The following SLC2A13 variants were observed in gnomAD, a reference collection of about 807,000 sequenced individuals.
The protein encoded by SLC2A13 is solute carrier family 2 member 13.
In SLC2A13, 32 loss-of-function variants were observed where a neutral mutation model predicts 64.4. The observed-to-expected ratio is 0.50, with a 90% CI of 0.37 to 0.67. The LOEUF (loss-of-function observed/expected upper bound fraction) is 0.67, where lower values mean the gene tolerates loss of function less well. Among genes scored for constraint, SLC2A13 ranks in the 30% least tolerant of loss-of-function variants. The pLI, the probability that SLC2A13 is intolerant of heterozygous loss-of-function variation, is 0.00. For synonymous variants in SLC2A13, 338 were observed against 327.1 expected, an observed-to-expected ratio of 1.03 and a Z score of -0.36; for missense variants, 743 against 829.2, an observed-to-expected ratio of 0.90 and a Z score of 1.28.
At chr12:39,962,864 C>T (rs1161144253) in intron 3 of SLC2A13, among the ~76,000 whole-genome samples, 1 of 152,166 alleles carries the variant, frequency 6.6e-6, no homozygotes, top group Non-Finnish European at 1.5e-5. Flanking sequence ...CTTCCCTGAG[C>T]TCCAGGTGTT....
In SLC2A13 at chr12:39,918,087, G is replaced by A. The variant is rs114731846; in HGVS notation, c.1034+33170C>T. Among the ~76,000 whole-genome samples, 1,051 of 152,138 alleles carry A rather than the reference G, an allele frequency of 6.9e-3. 19 individuals are homozygous for A. Among genetic ancestry groups the A allele is most frequent in the African/African-American group, 0.024 (992 of 41,434 alleles). ...CTATGTGCAAAGTCATTAGGATTAAGAAACATGGTTGCTATCCTTGTACAT... is the reference window on the plus strand; with the variant it reads ...CTATGTGCAAAGTCATTAGGATTAAAAAACATGGTTGCTATCCTTGTACAT... On this transcript the variant is annotated intron_variant, in intron 4 of 9. Transcript: ENST00000280871.
At chr12:39,878,517 G>T (rs1944252464) in intron 4 of SLC2A13, among the ~76,000 whole-genome samples, 1 of 152,198 alleles carries the variant, frequency 6.6e-6, no homozygotes, top group Non-Finnish European at 1.5e-5. Context: ...GTCTGTTCAT[G>T]TGTCAGGGGT....
chr12:39,896,337 T>C (rs1307622010), intron 4 of SLC2A13, among the ~76,000 whole-genome samples: 2 of 142,094 alleles, frequency 1.4e-5, no homozygotes, highest in Non-Finnish European at 3.1e-5. Context: ...TGTATATATG[T>C]ATACATATAT....
chr12:40,072,814 C>G (rs904335802), intron 1 of SLC2A13, among the ~76,000 whole-genome samples: 2 of 152,056 alleles, frequency 1.3e-5, no homozygotes, highest in African/African-American at 2.4e-5. Context: ...TATAGGCACT[C>G]CTGCAATCTG....
At chr12:39,939,851 T>C (rs994734449) in intron 4 of SLC2A13, among the ~76,000 whole-genome samples, 1 of 152,220 alleles carries the variant, frequency 6.6e-6, no homozygotes, top group Non-Finnish European at 1.5e-5. Context: ...GCTTCCATTC[T>C]ACTTGAAACT....
intron 1 of SLC2A13, among the ~76,000 whole-genome samples, chr12:40,104,964 G>T (rs778500464): frequency 6.6e-6 from 1 of 152,186 alleles, no homozygotes; most frequent in Non-Finnish European, 1.5e-5. Context: ...TTCTGGAAGT[G>T]CTGAGAGGCA....
At chr12:39,849,185 A>G (rs1400634524) in intron 6 of SLC2A13, among the ~76,000 whole-genome samples, 1 of 152,144 alleles carries the variant, frequency 6.6e-6, no homozygotes, top group Admixed American at 6.5e-5. Context: ...AGATTTAAAA[A>G]AAAATTCAAA....
At chr12:39,902,791 TTTTAGTTATCTACTATGAATGAGG>T (rs1430821452) in intron 4 of SLC2A13, among the ~76,000 whole-genome samples, 1 of 152,134 alleles carries the variant, frequency 6.6e-6, no homozygotes, top group Non-Finnish European at 1.5e-5. Flanking sequence ...GTTTATATAG[TTTTAGTTATCTACTATGAATGAGG>T]TGAGTGGCAT....
At chr12:39,972,843 G>C (rs1030402844) in intron 3 of SLC2A13, among the ~76,000 whole-genome samples, 9 of 152,164 alleles carry the variant, frequency 5.9e-5, no homozygotes, top group African/African-American at 2.2e-4. Context: ...CAAGGCAGGT[G>C]GATCACCTGA....
At chr12:40,037,797 T>C (rs914606983) in intron 2 of SLC2A13, among the ~76,000 whole-genome samples, 3 of 152,188 alleles carry the variant, frequency 2.0e-5, no homozygotes, top group African/African-American at 7.2e-5. Flanking sequence ...CCCATCTAAG[T>C]TGGTAAATTT....
At chr12:39,773,825 T>C (rs1940672451) in intron 7 of SLC2A13, among the ~76,000 whole-genome samples, 1 of 152,178 alleles carries the variant, frequency 6.6e-6, no homozygotes, top group Non-Finnish European at 1.5e-5. Context: ...TTAGTTCCCT[T>C]CCCAAAGAGT....
chr12:39,920,882 G>A (rs1160700906), intron 4 of SLC2A13, among the ~76,000 whole-genome samples: 9 of 151,958 alleles, frequency 5.9e-5, no homozygotes, highest in Admixed American at 1.3e-4. Context: ...AAAAGCTAGC[G>A]ACACATCATC....
At chr12:39,844,648 A>G (rs1943260523) in intron 6 of SLC2A13, among the ~76,000 whole-genome samples, 1 of 152,070 alleles carries the variant, frequency 6.6e-6, no homozygotes, top group Admixed American at 6.6e-5. Flanking sequence ...ACTCATTTAA[A>G]CACAACTGGA....
chr12:40,067,747 T>G (rs1297494074), intron 1 of SLC2A13, among the ~76,000 whole-genome samples: 1 of 152,210 alleles, frequency 6.6e-6, no homozygotes, highest in African/African-American at 2.4e-5. Context: ...TGCAGAAATA[T>G]TAAAGCACAT....
intron 3 of SLC2A13, among the ~76,000 whole-genome samples, chr12:40,024,776 G>A (rs1276495101): frequency 1.3e-5 from 2 of 152,090 alleles, no homozygotes; most frequent in Non-Finnish European, 2.9e-5. Context: ...TAGAAATAAA[G>A]AGGAGGCACT....
At chr12:40,100,758 G>C (rs1939115958) in intron 1 of SLC2A13, among the ~76,000 whole-genome samples, 1 of 152,074 alleles carries the variant, frequency 6.6e-6, no homozygotes, top group Non-Finnish European at 1.5e-5. Flanking sequence ...GAGATCAGGA[G>C]TTCGAGACCA....
At position 39,764,448 on chromosome 12, in the gene SLC2A13, AT is replaced by A. The variant is rs1429296557; in HGVS notation, c.1720+11del. On this transcript the variant is annotated intron_variant, in intron 9 of 9. Transcript: ENST00000280871. Reference sequence around the variant, plus strand: ...TAAAAACAAAACTATGTTAGAAAAAATATTATCTTACCATAGTATGTAAGAT... The same window carrying A: ...TAAAAACAAAACTATGTTAGAAAAAAATTATCTTACCATAGTATGTAAGAT... 3 of 1,547,650 alleles carry A rather than the reference AT, an allele frequency of 1.9e-6. No homozygotes were observed. In the African/African-American group the frequency reaches 4.2e-5, roughly 22 times the overall value.
At chr12:39,922,015 T>A (rs1945622594) in intron 4 of SLC2A13, among the ~76,000 whole-genome samples, 1 of 152,142 alleles carries the variant, frequency 6.6e-6, no homozygotes, top group Non-Finnish European at 1.5e-5. Flanking sequence ...TGTACCTACA[T>A]TTGTAGGGTG....
intron 6 of SLC2A13, among the ~76,000 whole-genome samples, chr12:39,843,710 A>G (rs903581674): frequency 3.3e-5 from 5 of 152,060 alleles, no homozygotes; most frequent in African/African-American, 1.2e-4. Context: ...TTGAAGTGAG[A>G]GGTGGCATCC....
Sources: gnomAD v4.1 joint callset for allele counts (sites outside exome capture counted in the v4.1 genomes callset) on GRCh38, gnomAD v4.1.1 for gene constraint, MANE v1.5 for transcripts, NCBI Gene and HGNC (gene_info 2026-07-23, HGNC 2026-07-21) for gene names.